FBXO31: variants seen among roughly 807,000 people sequenced by gnomAD.
FBXO31 encodes the protein F-box only protein 31.
Under a neutral mutation model 54.4 loss-of-function variants are expected in FBXO31, and 24 were observed. The ratio of observed to expected loss-of-function variants is 0.44; its 90% CI spans 0.32 to 0.62. FBXO31 has a LOEUF of 0.62. FBXO31 is among the 20% of genes least tolerant of loss of function. The pLI, the probability that FBXO31 is intolerant of heterozygous loss-of-function variation, is 0.05. For missense variants in FBXO31, 665 were observed against 787.1 expected, an observed-to-expected ratio of 0.84 and a Z score of 1.86; for synonymous variants, 388 against 335.6, an observed-to-expected ratio of 1.16 and a Z score of -1.71.
chr16:87,334,324 C>G (rs751803275), intron 7 of FBXO31, 38 bp from the exon 8 acceptor site: 3 of 1,522,670 alleles, frequency 2.0e-6, no homozygotes, highest in Admixed American at 2.0e-5. Context: ...CTCAGGCCAG[C>G]AGCAGCAGCA....
chr16:87,327,694 T>C lies in FBXO31; in HGVS notation c.*3594A>G, dbSNP rs925352081. 1 of 152,228 alleles carries C rather than the reference T, an allele frequency of 6.6e-6. No individual in the cohort carries two copies. Among genetic ancestry groups the C allele is most frequent in the Non-Finnish European group, 1.5e-5 (1 of 68,072 alleles). The allele number at this position is 152,228 out of a possible 1,614,324, so 9.4% of individuals were successfully genotyped here. On this transcript the variant is annotated 3_prime_UTR_variant, in exon 9 of 9. Transcript: ENST00000311635. The stretch of plus-strand genomic sequence containing the variant: ...AAAAGTACCAGCCGCATGGAGACTA[T>C]CTGCTGCTTGCATCTTCTCTAAATA...
chr16:87,335,199 G>A lies in FBXO31; in HGVS notation c.996+105C>T. 2 of 1,529,794 alleles carry A rather than the reference G, an allele frequency of 1.3e-6. No individual in the cohort carries two copies. Among genetic ancestry groups the A allele is most frequent in the East Asian group, 2.3e-5 (1 of 44,398 alleles). The allele number at this position is 1,529,794 out of a possible 1,614,324, so 94.8% of individuals were successfully genotyped here. ...GCTGCAGGTGCAAGCCCACTCTGAG[G>A]AGCAAGGGTGCCGGGGATCAGTGTC... On this transcript the variant is annotated intron_variant, in intron 7 of 8. Transcript: ENST00000311635. This position sits in a 1 kb window ranked among gnomAD's most constrained non-coding sequence, Gnocchi z 5.7.
At chr16:87,387,168 C>T (rs962819344), upstream of FBXO31, among the ~76,000 whole-genome samples, 2 of 151,974 alleles carry the variant, frequency 1.3e-5, no homozygotes, top group Non-Finnish European at 1.5e-5. Context: ...TGACCGTGAG[C>T]GCTTCAGCAA....
Position 87,343,527 on chromosome 16 carries a change from G to A in FBXO31, c.657+71C>T, listed in dbSNP as rs943690453. Reference sequence around the variant, plus strand: ...CCAGGTCTGCAGCTGAGAATAGCACGGCAGGCCTGGCTGGAGCCCACACAG... The same window carrying A: ...CCAGGTCTGCAGCTGAGAATAGCACAGCAGGCCTGGCTGGAGCCCACACAG... On this transcript the variant is annotated intron_variant, in intron 4 of 8. Transcript: ENST00000311635. The A allele has an allele frequency of 4.6e-5, 70 of 1,518,984 alleles. No individual in the cohort carries two copies. In the Admixed American group the frequency reaches 1.1e-3, roughly 25 times the overall value. 94.1% of individuals were successfully genotyped at this position (1,518,984 alleles called of 1,614,324 possible).
chr16:87,391,376 G>A (rs982833781), upstream of FBXO31, among the ~76,000 whole-genome samples: 7 of 152,230 alleles, frequency 4.6e-5, no homozygotes, highest in Non-Finnish European at 1.0e-4. Flanking sequence ...GTGGGCAATA[G>A]CAACCAAATA....
chr16:87,341,135 G>A (rs137999442), intron 5 of FBXO31, among the ~76,000 whole-genome samples: 126 of 151,978 alleles, frequency 8.3e-4, no homozygotes, highest in African/African-American at 2.8e-3. Context: ...CTCACTCCTG[G>A]GTGTTTCTCT....
intron 8 of FBXO31, among the ~76,000 whole-genome samples, 183 bp downstream of exon 8, chr16:87,333,703 G>A (rs760673949): frequency 2.7e-4 from 41 of 152,166 alleles, no homozygotes; most frequent in Non-Finnish European, 4.4e-4. Context: ...CTGCGCGGCC[G>A]CTTGCTCAGG....
At chr16:87,379,342 G>A (rs1232940900) in intron 1 of FBXO31, among the ~76,000 whole-genome samples, 1 of 152,154 alleles carries the variant, frequency 6.6e-6, no homozygotes, top group Non-Finnish European at 1.5e-5. Context: ...AATAGCTGAA[G>A]GCAGCTGTTC....
At chr16:87,378,723 A>G (rs1381977085) in intron 1 of FBXO31, among the ~76,000 whole-genome samples, 1 of 152,212 alleles carries the variant, frequency 6.6e-6, no homozygotes, top group Admixed American at 6.5e-5. Flanking sequence ...GCACTTTGGG[A>G]GGCAGAGGCG....
At chr16:87,359,071 T>A (rs1016214572) in intron 2 of FBXO31, among the ~76,000 whole-genome samples, 2 of 152,182 alleles carry the variant, frequency 1.3e-5, no homozygotes, top group Non-Finnish European at 2.9e-5. Flanking sequence ...TAAAGCAAAT[T>A]CACAGAAACA....
At chr16:87,384,619 C>T (rs922736641), upstream of FBXO31, among the ~76,000 whole-genome samples, 1 of 152,260 alleles carries the variant, frequency 6.6e-6, no homozygotes, top group Non-Finnish European at 1.5e-5. Flanking sequence ...CCTGAGCAGC[C>T]GCGCACGTCG....
chr16:87,366,894 C>G (rs1433840745), intron 1 of FBXO31, among the ~76,000 whole-genome samples: 4 of 152,126 alleles, frequency 2.6e-5, no homozygotes, highest in Non-Finnish European at 5.9e-5. Flanking sequence ...AAAGAAACAA[C>G]AAGACGGGCG....
At chr16:87,352,382 A>G (rs1024307658) in intron 2 of FBXO31, among the ~76,000 whole-genome samples, 3 of 152,246 alleles carry the variant, frequency 2.0e-5, no homozygotes, top group African/African-American at 4.8e-5. Flanking sequence ...TTGTTTTAAC[A>G]TCTGGTAGTA....
rs145828752 is a variant in FBXO31, at chr16:87,349,119, A to T, written c.413-1869T>A. On this transcript the variant is annotated intron_variant, in intron 2 of 8. Transcript: ENST00000311635. ...GTCATCCCAACTCAAATCCACACTCAGCTAATCATCAATAATGTCATCCCA... is the reference window on the plus strand; with the variant it reads ...GTCATCCCAACTCAAATCCACACTCTGCTAATCATCAATAATGTCATCCCA... Among the ~76,000 whole-genome samples the T allele has an allele frequency of 3.0e-3, 454 of 152,348 alleles. 3 individuals are homozygous for T. Among genetic ancestry groups the T allele is most frequent in the African/African-American group, 0.01 (436 of 41,580 alleles).
At chr16:87,360,468 T>C in intron 1 of FBXO31, 102 bp from the exon 2 acceptor site, 1 of 892,624 alleles carries the variant, frequency 1.1e-6, no homozygotes, top group Non-Finnish European at 1.8e-6. Context: ...ACACCTAGCC[T>C]CAGCCCCATC....
At chr16:87,342,762 C>A in intron 5 of FBXO31, 115 bp downstream of exon 5, 1 of 811,994 alleles carries the variant, frequency 1.2e-6, no homozygotes, top group Middle Eastern at 3.6e-4. Context: ...CCATGTGAAA[C>A]AGCCACCATG....
rs373616708 is a variant in FBXO31 at position 87,333,914 on chromosome 16, C to T, written c.1369G>A (p.Glu457Lys). Residue 457 changes from glutamate to lysine, a missense_variant, in exon 8 of 9, where the codon GAG becomes AAG. Physicochemically the swap from Glu to Lys is moderately conservative, Grantham distance 56. Coordinates refer to ENST00000311635, the MANE Select transcript of FBXO31 (RefSeq NM_024735.5). ...VLPVGVSSRN[E>K]DYPRTCRMCF... ...ATCCTGCAGGTTCGGGGGTAGTCCTCATTCCTGGAGCTCACGCCCACGGGC... is the reference window on the plus strand; with the variant it reads ...ATCCTGCAGGTTCGGGGGTAGTCCTTATTCCTGGAGCTCACGCCCACGGGC... The T allele has an allele frequency of 1.2e-6, 2 of 1,609,144 alleles. No individual in the cohort carries two copies. The highest frequency in any genetic ancestry group is 2.7e-5 in the African/African-American group (2 of 74,866).
intron 8 of FBXO31, among the ~76,000 whole-genome samples, chr16:87,332,928 C>T (rs987128578): frequency 6.6e-6 from 1 of 152,232 alleles, no homozygotes. Context: ...CCCCCAAGGC[C>T]ACTGTCCAGC....
chr16:87,331,057 C>T lies in FBXO31; in HGVS notation c.*231G>A, dbSNP rs2288482. 1.1e-3 allele frequency: 590 copies of T among 525,240 alleles called. 11 individuals are homozygous for T. The Admixed American group carries it at 0.018, about 16-fold the overall frequency. 32.5% of individuals were successfully genotyped at this position (525,240 alleles called of 1,614,324 possible). A position where few individuals can be genotyped will look rare whatever the true frequency, so the allele number is the denominator to read the frequency against. ...CATCTGCTGTATTCAGGCTCGTTCT[C>T]TCTGTTTTTGGTAAGACATGCTCAG... On this transcript the variant is annotated 3_prime_UTR_variant, in exon 9 of 9. Coordinates refer to ENST00000311635, the MANE Select transcript of FBXO31 (RefSeq NM_024735.5).
Sources: gnomAD v4.1 joint callset for allele counts (sites outside exome capture counted in the v4.1 genomes callset) on GRCh38, gnomAD v4.1.1 for gene constraint, Gnocchi (gnomAD v3.1) non-coding constraint, MANE v1.5 for transcripts, NCBI Gene and HGNC (gene_info 2026-07-23, HGNC 2026-07-21) for gene names.